The following GRAMD1B variants were observed in gnomAD, a reference collection of about 807,000 sequenced individuals.
GRAMD1B encodes the protein GRAM domain containing 1B, also known as protein Aster-B.
A neutral mutation model predicts 99.7 loss-of-function variants in GRAMD1B; 37 were observed. The observed-to-expected ratio is 0.37, with a 90% CI of 0.29 to 0.49. The LOEUF is 0.49. Among genes scored for constraint, GRAMD1B ranks in the 20% least tolerant of loss-of-function variants. GRAMD1B has a pLI of 0.98. For synonymous variants in GRAMD1B, 427 were observed against 387.6 expected (o/e 1.10, Z -1.19); for missense variants, 888 against 1,009.2 (o/e 0.88, Z 1.63).
upstream of GRAMD1B, among the ~76,000 whole-genome samples, chr11:123,426,691 T>G (rs1381492204): frequency 6.6e-6 from 1 of 152,108 alleles, no homozygotes; most frequent in African/African-American, 2.4e-5. Flanking sequence ...GGGGAGACAT[T>G]CCTGTGTCTT....
At chr11:123,412,461 T>G (rs1446423179) in intron 1 of GRAMD1B, among the ~76,000 whole-genome samples, 1 of 152,176 alleles carries the variant, frequency 6.6e-6, no homozygotes, top group Non-Finnish European at 1.5e-5. Context: ...CCCAGAGAAG[T>G]CAGTAGTTCA....
intron 1 of GRAMD1B, among the ~76,000 whole-genome samples, chr11:123,480,124 T>A (rs756401231): frequency 1.7e-4 from 26 of 152,238 alleles, no homozygotes; most frequent in Non-Finnish European, 1.2e-4. Context: ...CTTTCCCGTA[T>A]TATTATAAGA....
intron 17 of GRAMD1B, 91 bp from the exon 18 acceptor site, chr11:123,618,602 G>C (rs771438726): frequency 1.5e-5 from 13 of 840,856 alleles, no homozygotes; most frequent in Non-Finnish European, 1.9e-5. Flanking sequence ...ATGGCCCACC[G>C]GTCAGGGACA....
At chr11:123,531,324 G>A (rs1268403086) in intron 2 of GRAMD1B, among the ~76,000 whole-genome samples, 1 of 152,144 alleles carries the variant, frequency 6.6e-6, no homozygotes, top group Non-Finnish European at 1.5e-5. Flanking sequence ...TTCTTAAAAG[G>A]ATAAGCGTTT....
At chr11:123,431,449 T>G (rs1948884830) in intron 1 of GRAMD1B, among the ~76,000 whole-genome samples, 1 of 152,224 alleles carries the variant, frequency 6.6e-6, no homozygotes, top group South Asian at 2.1e-4. Context: ...GCGAAATAAA[T>G]AATAAAAATA....
Position 123,391,725 on chromosome 11 carries a change from G to A in GRAMD1B, c.-176+32926G>A, listed in dbSNP as rs186808599. 2.0e-5 allele frequency among the ~76,000 whole-genome samples: 3 copies of A among 152,262 alleles called. No homozygotes were observed. The East Asian group carries it at 5.8e-4, about 29-fold the overall frequency. On this transcript the variant is annotated intron_variant, in intron 1 of 20. Coordinates refer to the GRAMD1B transcript ENST00000638157. ...CCCACCTTGGCCCCCCAAAGTGCTG[G>A]GATTACAGGTGTGAGCCACCACACC...
At chr11:123,550,712 GA>G (rs1158713702) in intron 2 of GRAMD1B, among the ~76,000 whole-genome samples, 2 of 152,156 alleles carry the variant, frequency 1.3e-5, no homozygotes, top group African/African-American at 2.4e-5. Context: ...CTTAATCCAG[GA>G]TTAAGAAAAG....
At chr11:123,535,384 T>C (rs1943860730) in intron 2 of GRAMD1B, among the ~76,000 whole-genome samples, 1 of 151,968 alleles carries the variant, frequency 6.6e-6, no homozygotes, top group East Asian at 1.9e-4. Flanking sequence ...ATGGCAGAAC[T>C]GGGATAAAAC....
chr11:123,598,748 A>C, intron 7 of GRAMD1B: 1 of 901,522 alleles, frequency 1.1e-6, no homozygotes, highest in East Asian at 2.4e-5. Flanking sequence ...GCGTCAGAGC[A>C]CTGCTTGTCT....
At position 123,625,286 on chromosome 11, in the gene GRAMD1B, ATTG is replaced by A. The variant is rs1955435848; in HGVS notation, c.*2694_*2696del. ...GTAACTTCTTCCAGCCAGTGCTTTT[ATTG>A]TTCGTTTTAGTTTACTGGGGACACA... On this transcript the variant is annotated 3_prime_UTR_variant, in exon 20 of 20. Transcript: ENST00000635736. 2 of 152,154 alleles carry A rather than the reference ATTG, an allele frequency of 1.3e-5. No homozygotes were observed. The highest frequency in any genetic ancestry group is 4.1e-4 in the South Asian group (2 of 4,820). 9.4% of individuals were successfully genotyped at this position (152,154 alleles called of 1,614,324 possible).
intron 1 of GRAMD1B, among the ~76,000 whole-genome samples, chr11:123,464,153 A>T (rs77186800): frequency 1.3e-5 from 2 of 151,442 alleles, no homozygotes; most frequent in African/African-American, 4.8e-5. Context: ...AAAAAAAAAA[A>T]TTTAGCTGGG....
At chr11:123,545,517 C>G (rs766642698) in intron 2 of GRAMD1B, among the ~76,000 whole-genome samples, 1 of 152,158 alleles carries the variant, frequency 6.6e-6, no homozygotes, top group African/African-American at 2.4e-5. Flanking sequence ...GAGCAGGTAT[C>G]CTGGAGCCAG....
intron 15 of GRAMD1B, 81 bp downstream of exon 15, chr11:123,612,945 G>C: frequency 2.6e-6 from 2 of 776,646 alleles, no homozygotes; most frequent in African/African-American, 1.7e-5. Context: ...CAGGGGAATG[G>C]TATTGAGAAT....
At chr11:123,511,510 G>A (rs1281115479) in intron 2 of GRAMD1B, among the ~76,000 whole-genome samples, 2 of 152,100 alleles carry the variant, frequency 1.3e-5, no homozygotes, top group Non-Finnish European at 2.9e-5. Context: ...TCCAGACAAG[G>A]AGTTAGAGCC....
intron 1 of GRAMD1B, among the ~76,000 whole-genome samples, chr11:123,446,175 T>A (rs763430328): frequency 2.0e-5 from 3 of 152,108 alleles, no homozygotes; most frequent in Admixed American, 1.3e-4. Context: ...CTTTTATTAT[T>A]ATTTTTTTTA....
rs1555112800 is a variant in GRAMD1B, at chr11:123,625,973, A to AGCGAGAGG, written c.*3379_*3380insCGAGAGGG. 7.2e-6 allele frequency: 1 copy of AGCGAGAGG among 139,748 alleles called. No individual in the cohort carries two copies. Among genetic ancestry groups the AGCGAGAGG allele is most frequent in the Admixed American group, 7.1e-5 (1 of 13,998 alleles). 8.7% of individuals were successfully genotyped at this position (139,748 alleles called of 1,614,324 possible). ...GAGAGAGAGAGAGAGAGAGAGAGAG[A>AGCGAGAGG]GAGAGAGATCGAGCTTGATGTATTG... On this transcript the variant is annotated 3_prime_UTR_variant, in exon 20 of 20. Transcript: ENST00000635736.
At chr11:123,546,566 C>T (rs1161972479) in intron 2 of GRAMD1B, among the ~76,000 whole-genome samples, 2 of 152,198 alleles carry the variant, frequency 1.3e-5, no homozygotes, top group Non-Finnish European at 2.9e-5. Context: ...CTGAGCTGCC[C>T]AGCTTCAATC....
chr11:123,392,482 A>T (rs1358724244), intron 1 of GRAMD1B, among the ~76,000 whole-genome samples: 1 of 151,912 alleles, frequency 6.6e-6, no homozygotes, highest in Admixed American at 6.6e-5. Flanking sequence ...TGTCAGTTTC[A>T]TATCAATTCT....
Position 123,600,443 on chromosome 11 carries a change from A to C in GRAMD1B, c.970-25A>C, listed in dbSNP as rs190375440. 8.6e-4 allele frequency: 1,230 copies of C among 1,434,198 alleles called. 5 individuals are homozygous for C. The highest frequency in any genetic ancestry group is 1.8e-4 in the Non-Finnish European group (179 of 1,019,398). 88.8% of individuals were successfully genotyped at this position (1,434,198 alleles called of 1,614,324 possible). A position where few individuals can be genotyped will look rare whatever the true frequency, so the allele number is the denominator to read the frequency against. ...TTATATTGTAACTCAACAGATATTTATTGTTATTTTCTTTTCCAATCTAGC... is the reference window on the plus strand; with the variant it reads ...TTATATTGTAACTCAACAGATATTTCTTGTTATTTTCTTTTCCAATCTAGC... On this transcript the variant is annotated intron_variant, in intron 7 of 19. Transcript: ENST00000635736.
Sources: gnomAD v4.1 joint callset for allele counts (sites outside exome capture counted in the v4.1 genomes callset) on GRCh38, gnomAD v4.1.1 for gene constraint, MANE v1.5 for transcripts, NCBI Gene and HGNC (gene_info 2026-07-23, HGNC 2026-07-21) for gene names.